CNBD1: variants seen among roughly 807,000 people sequenced by gnomAD.
CNBD1 encodes cyclic nucleotide binding domain containing 1.
A neutral mutation model predicts 54.4 loss-of-function variants in CNBD1; 71 were observed. That is an observed-to-expected ratio of 1.30 (90% confidence interval 1.08 to 1.59). The LOEUF is 1.59. CNBD1 is among the 40% of genes most tolerant of loss of function. The pLI, the probability that CNBD1 is intolerant of heterozygous loss-of-function variation, is 0.00. For missense variants in CNBD1, 659 were observed against 518.0 expected, an observed-to-expected ratio of 1.27 and a Z score of -2.64; for synonymous variants, 182 against 170.7, an observed-to-expected ratio of 1.07 and a Z score of -0.51.
At chr8:87,347,651 G>T (rs1810200846) in intron 8 of CNBD1, among the ~76,000 whole-genome samples, 1 of 152,092 alleles carries the variant, frequency 6.6e-6, no homozygotes, top group African/African-American at 2.4e-5. Context: ...ATTTAAAGTT[G>T]GTAAGAAAGA....
chr8:87,353,489 A>T (rs1810348247), intron 9 of CNBD1, 147 bp from the exon 10 acceptor site: 1 of 559,884 alleles, frequency 1.8e-6, no homozygotes, highest in African/African-American at 2.0e-5. Flanking sequence ...TATGTAAGTA[A>T]ATTTTTCTGT....
At chr8:87,315,119 AAGTC>A (rs142493929) in intron 8 of CNBD1, among the ~76,000 whole-genome samples, 5,312 of 152,172 alleles carry the variant, frequency 0.035, 293 homozygotes, top group African/African-American at 0.12. Flanking sequence ...TTGAAGAACT[AAGTC>A]AGAAAGAAAA....
At chr8:87,355,615 T>G (rs548823740) in intron 10 of CNBD1, among the ~76,000 whole-genome samples, 3 of 152,166 alleles carry the variant, frequency 2.0e-5, no homozygotes, top group African/African-American at 7.2e-5. Context: ...TAAAGAAAAT[T>G]GTAGATATGT....
At chr8:86,975,408 G>T (rs565000693) in intron 4 of CNBD1, among the ~76,000 whole-genome samples, 1 of 151,646 alleles carries the variant, frequency 6.6e-6, no homozygotes, top group Non-Finnish European at 1.5e-5. Context: ...TCAGCTTCCA[G>T]TGACCACCAT....
chr8:87,365,934 T>C (rs1810632629), intron 10 of CNBD1, among the ~76,000 whole-genome samples: 1 of 152,048 alleles, frequency 6.6e-6, no homozygotes, highest in South Asian at 2.1e-4. Flanking sequence ...CTTTGAAAAC[T>C]CAATGTAATG....
At chr8:87,209,411 A>G (rs572875970) in intron 5 of CNBD1, among the ~76,000 whole-genome samples, 3 of 152,248 alleles carry the variant, frequency 2.0e-5, no homozygotes, top group South Asian at 4.1e-4. Flanking sequence ...AAATAAGCAA[A>G]CAATTCCATT....
At chr8:87,131,063 C>A (rs1257769590) in intron 4 of CNBD1, among the ~76,000 whole-genome samples, 3 of 151,852 alleles carry the variant, frequency 2.0e-5, no homozygotes, top group Non-Finnish European at 4.4e-5. Flanking sequence ...TCCTTTTAAT[C>A]TATCTGCATT....
chr8:87,071,513 A>G (rs1388045289), intron 4 of CNBD1, among the ~76,000 whole-genome samples: 3 of 152,112 alleles, frequency 2.0e-5, no homozygotes, highest in African/African-American at 7.2e-5. Context: ...CTTAATATTG[A>G]TTTCTGGTAA....
intron 10 of CNBD1, among the ~76,000 whole-genome samples, chr8:87,360,968 C>A (rs180990410): frequency 6.6e-6 from 1 of 151,764 alleles, no homozygotes; most frequent in Non-Finnish European, 1.5e-5. Flanking sequence ...AAACTTCTTC[C>A]CAACACATCA....
At chr8:86,951,725 T>G (rs1205809288) in intron 4 of CNBD1, among the ~76,000 whole-genome samples, 2 of 151,864 alleles carry the variant, frequency 1.3e-5, no homozygotes, top group African/African-American at 4.8e-5. Context: ...TAATTTGCCT[T>G]TCTTTGTTTC....
chr8:86,964,395 A>T (rs964425243), intron 4 of CNBD1, among the ~76,000 whole-genome samples: 1 of 152,160 alleles, frequency 6.6e-6, no homozygotes, highest in Non-Finnish European at 1.5e-5. Context: ...CTGGTCCTAT[A>T]TAAGATGTAA....
At chr8:87,398,148 G>T (rs1440951649) in intron 2 of CNBD1, among the ~76,000 whole-genome samples, 1 of 150,818 alleles carries the variant, frequency 6.6e-6, no homozygotes, top group Non-Finnish European at 1.5e-5. Flanking sequence ...TACCTGTGTT[G>T]TCAGCAAACA....
chr8:86,927,037 G>T (rs149095863), intron 3 of CNBD1, among the ~76,000 whole-genome samples: 5 of 152,226 alleles, frequency 3.3e-5, no homozygotes, highest in Non-Finnish European at 5.9e-5. Context: ...TGGTGGGGAG[G>T]AAGATATAGG....
At chr8:87,054,979 A>G (rs1810384005) in intron 4 of CNBD1, among the ~76,000 whole-genome samples, 1 of 152,176 alleles carries the variant, frequency 6.6e-6, no homozygotes, top group Non-Finnish European at 1.5e-5. Flanking sequence ...AGAGAACAAA[A>G]CTGAGAACGA....
chr8:87,318,126 T>A (rs1332073868), intron 8 of CNBD1, among the ~76,000 whole-genome samples: 1 of 152,068 alleles, frequency 6.6e-6, no homozygotes, highest in Non-Finnish European at 1.5e-5. Flanking sequence ...ATGGGATATG[T>A]GTTTGATAAT....
At chr8:87,415,371 T>A (rs1807818289) in intron 2 of CNBD1, among the ~76,000 whole-genome samples, 1 of 152,050 alleles carries the variant, frequency 6.6e-6, no homozygotes, top group South Asian at 2.1e-4. Context: ...CCTCACAGAA[T>A]GTTTTGGGTT....
intron 5 of CNBD1, among the ~76,000 whole-genome samples, chr8:87,208,365 C>T (rs1384044370): frequency 6.6e-6 from 1 of 151,716 alleles, no homozygotes; most frequent in Non-Finnish European, 1.5e-5. Context: ...AGTTAAAATG[C>T]TACAAAAAAT....
At chr8:87,228,601 C>G (rs1474283210) in intron 5 of CNBD1, among the ~76,000 whole-genome samples, 1 of 151,246 alleles carries the variant, frequency 6.6e-6, no homozygotes, top group African/African-American at 2.5e-5. Flanking sequence ...CGCCCGTTCT[C>G]AGATCTCCAG....
intron 10 of CNBD1, among the ~76,000 whole-genome samples, chr8:87,373,261 T>A (rs1810857175): frequency 6.6e-6 from 1 of 151,840 alleles, no homozygotes; most frequent in Non-Finnish European, 1.5e-5. Flanking sequence ...CCAATGATAC[T>A]TCTACTGATA....
Sources: allele counts gnomAD v4.1 joint callset (sites outside exome capture counted in the v4.1 genomes callset), GRCh38; gene constraint gnomAD v4.1.1; transcripts MANE v1.5; gene names NCBI Gene and HGNC (gene_info 2026-07-23, HGNC 2026-07-21).